BRWD1: variants seen among roughly 807,000 people sequenced by gnomAD.
The protein encoded by BRWD1 is bromodomain and WD repeat-containing protein 1.
Under a neutral mutation model 251.2 loss-of-function variants are expected in BRWD1, and 82 were observed. The observed-to-expected ratio is 0.33, with a 90% confidence interval of 0.27 to 0.39. BRWD1 has a LOEUF of 0.39. Among genes scored for constraint, BRWD1 ranks in the 10% least tolerant of loss-of-function variants. The pLI is 1.00. For synonymous variants in BRWD1, 918 were observed against 902.8 expected (o/e 1.02, Z -0.30); for missense variants, 2,233 against 2,711.6 (o/e 0.82, Z 3.92).
chr21:39,318,451 G>C (rs1370275123), upstream of BRWD1, among the ~76,000 whole-genome samples: 1 of 152,150 alleles, frequency 6.6e-6, no homozygotes, highest in African/African-American at 2.4e-5. Flanking sequence ...TGCTGATGTT[G>C]ATGTACACAC....
chr21:39,208,246 G>A (rs1370705243), intron 36 of BRWD1, among the ~76,000 whole-genome samples: 1 of 152,130 alleles, frequency 6.6e-6, no homozygotes, highest in Non-Finnish European at 1.5e-5. Context: ...GAGGGGCGCA[G>A]GGAAGACTTG....
rs1439491685 is a variant in BRWD1, at chr21:39,191,322, A to C, written c.*4937T>G. On this transcript the variant is annotated 3_prime_UTR_variant, in exon 41 of 41. Coordinates refer to ENST00000342449, the MANE Select transcript of BRWD1 (RefSeq NM_033656.4). The stretch of plus-strand genomic sequence containing the variant: ...TCTGCCTGCATGAAAAGAAATTACC[A>C]GTGGAAAAGAGGTTGGGGAACCACT... 1.0e-6 allele frequency: 1 copy of C among 985,226 alleles called. No individual in the cohort carries two copies. Among genetic ancestry groups the C allele is most frequent in the African/African-American group, 1.7e-5 (1 of 57,216 alleles). The allele number at this position is 985,226 out of a possible 1,614,324, so 61.0% of individuals were successfully genotyped here.
At chr21:39,271,841 C>G (rs527550737) in intron 13 of BRWD1, among the ~76,000 whole-genome samples, 2 of 151,418 alleles carry the variant, frequency 1.3e-5, no homozygotes, top group Admixed American at 1.3e-4. Flanking sequence ...GAGTTCCAGA[C>G]CAACCTGGCC....
chr21:39,256,533 C>T (rs1012227120), intron 18 of BRWD1, among the ~76,000 whole-genome samples: 3 of 152,132 alleles, frequency 2.0e-5, no homozygotes, highest in Non-Finnish European at 4.4e-5. Flanking sequence ...ACAACACTGA[C>T]GCTCTGAGCC....
chr21:39,192,701 T>C lies in BRWD1; in HGVS notation c.*3558A>G, dbSNP rs1601224142. On this transcript the variant is annotated 3_prime_UTR_variant, in exon 41 of 41. Coordinates refer to ENST00000342449, the MANE Select transcript of BRWD1 (RefSeq NM_033656.4). Reference sequence around the variant, plus strand: ...TTAAAAGGGCAAAGCAAAAAGACCATTTTCTAGCCATTTAAAAGTTACTCA... The same window carrying C: ...TTAAAAGGGCAAAGCAAAAAGACCACTTTCTAGCCATTTAAAAGTTACTCA... The C allele has an allele frequency of 6.1e-6, 6 of 985,110 alleles. 1 individual carries two copies. In the Admixed American group the frequency reaches 3.7e-4, roughly 61 times the overall value. 61.0% of individuals were successfully genotyped at this position (985,110 alleles called of 1,614,324 possible).
chr21:39,208,091 T>A (rs11088466), intron 36 of BRWD1, among the ~76,000 whole-genome samples: 71,647 of 152,060 alleles, frequency 0.47, 17,051 homozygotes, highest in Admixed American at 0.54. Context: ...TGAATTGTAC[T>A]CATAAAAATG....
At chr21:39,282,915 C>T (rs2035516503) in intron 8 of BRWD1, among the ~76,000 whole-genome samples, 1 of 146,560 alleles carries the variant, frequency 6.8e-6, no homozygotes, top group Non-Finnish European at 1.5e-5. Context: ...GCTGAGATCG[C>T]ACCACTGTAC....
intron 27 of BRWD1, 41 bp from the exon 28 acceptor site, chr21:39,225,238 ACATT>A (rs2033333048): frequency 1.5e-6 from 2 of 1,338,730 alleles, no homozygotes; most frequent in Admixed American, 1.7e-5. Flanking sequence ...TTCTCTGCTA[ACATT>A]CATTAACATT....
chr21:39,274,469 G>T lies in BRWD1; in HGVS notation c.1149C>A (p.Phe383Leu). 1 of 1,612,616 alleles carries T rather than the reference G, an allele frequency of 6.2e-7. No individual in the cohort carries two copies. The highest frequency in any genetic ancestry group is 8.5e-7 in the Non-Finnish European group (1 of 1,178,956). ...CTGTTCCATCTCTGCTACCACTTAG[G>T]AACCTTAAAACATTCAGAACAGGAT... ...SIQFCNNGDR[F>L]LSGSRDGTAR... Residue 383 changes from phenylalanine to leucine, a missense_variant, in exon 13 of 41, where the codon TTC becomes TTA. Physicochemically the swap from Phe to Leu is conservative, Grantham distance 22 (BLOSUM62 0). Transcript: ENST00000342449.
chr21:39,290,168 T>C lies in BRWD1; in HGVS notation c.831+3643A>G, dbSNP rs1290655187. On this transcript the variant is annotated intron_variant, in intron 8 of 40. Coordinates refer to ENST00000342449, the MANE Select transcript of BRWD1 (RefSeq NM_033656.4). ...CACTTCACTAATTCTCTCTTCAGTTTCATCAGTTGTGTTCAGATGCTGTTA... is the reference window on the plus strand; with the variant it reads ...CACTTCACTAATTCTCTCTTCAGTTCCATCAGTTGTGTTCAGATGCTGTTA... 2.6e-5 allele frequency among the ~76,000 whole-genome samples: 4 copies of C among 152,202 alleles called. No homozygotes were observed. The East Asian group carries it at 5.8e-4, about 22-fold the overall frequency.
chr21:39,207,233 A>C (rs1042535977), intron 36 of BRWD1, among the ~76,000 whole-genome samples: 8 of 152,044 alleles, frequency 5.3e-5, no homozygotes, highest in Non-Finnish European at 7.4e-5. Flanking sequence ...TCAAGGGTTC[A>C]AGACTAGCTT....
intron 4 of BRWD1, among the ~76,000 whole-genome samples, chr21:39,305,183 T>TC (rs2036247847): frequency 6.6e-6 from 1 of 152,104 alleles, no homozygotes; most frequent in Admixed American, 6.6e-5. Flanking sequence ...GGTCTTGAAC[T>TC]CCTGACCTCA....
chr21:39,190,031 A>C lies in BRWD1; in HGVS notation c.*6228T>G. 1.0e-6 allele frequency: 1 copy of C among 985,412 alleles called. No individual in the cohort carries two copies. The highest frequency in any genetic ancestry group is 6.1e-5 in the Admixed American group (1 of 16,284). 61.0% of individuals were successfully genotyped at this position (985,412 alleles called of 1,614,324 possible). On this transcript the variant is annotated 3_prime_UTR_variant, in exon 41 of 41. Coordinates refer to ENST00000342449, the MANE Select transcript of BRWD1 (RefSeq NM_033656.4). ...TACTTGGGTATGGCAAGAACACATC[A>C]GTAGTGTAAAACTGTACATCTGTAG...
intron 29 of BRWD1, among the ~76,000 whole-genome samples, chr21:39,221,102 T>C (rs865922576): frequency 7.2e-6 from 1 of 139,358 alleles, no homozygotes; most frequent in African/African-American, 2.7e-5. Flanking sequence ...TTGCAATGAG[T>C]GGAGATTGCG....
At chr21:39,313,796 A>G (rs1224534823), upstream of BRWD1, 1 of 377,246 alleles carries the variant, frequency 2.7e-6, no homozygotes, top group Non-Finnish European at 4.8e-6. Flanking sequence ...CGATGAGGAG[A>G]AAGTGACGCG....
intron 17 of BRWD1, among the ~76,000 whole-genome samples, chr21:39,261,080 C>A (rs1434320753): frequency 6.6e-6 from 1 of 152,074 alleles, no homozygotes; most frequent in Non-Finnish European, 1.5e-5. Context: ...CAAAAATTAG[C>A]CTGGTGTGGT....
Position 39,270,044 on chromosome 21 carries a change from C to A in BRWD1, c.1396-11G>T. On this transcript the variant is annotated splice_polypyrimidine_tract_variant and intron_variant, in intron 14 of 40. Coordinates refer to ENST00000342449, the MANE Select transcript of BRWD1 (RefSeq NM_033656.4). ...TTCATCAGCATGTCCCTTTATTTAA[C>A]AAAGTCATAACATTAAGGAGGGTTT... 2 of 1,547,732 alleles carry A rather than the reference C, an allele frequency of 1.3e-6. No homozygotes were observed. Among genetic ancestry groups the A allele is most frequent in the Non-Finnish European group, 1.7e-6 (2 of 1,147,404 alleles).
Position 39,191,862 on chromosome 21 carries a change from A to C in BRWD1, c.*4397T>G. ...TTAATAAATGAAAAAACTTACCTTA[A>C]AACTGACATAACTAAAATATGACCA... On this transcript the variant is annotated 3_prime_UTR_variant, in exon 41 of 41. Transcript: ENST00000342449. 1.0e-6 allele frequency: 1 copy of C among 984,760 alleles called. No homozygotes were observed. The highest frequency in any genetic ancestry group is 1.7e-5 in the African/African-American group (1 of 57,336). The allele number at this position is 984,760 out of a possible 1,614,324, so 61.0% of individuals were successfully genotyped here.
chr21:39,217,420 G>T, intron 31 of BRWD1: 2 of 204,390 alleles, frequency 9.8e-6, no homozygotes, highest in South Asian at 1.5e-4. Context: ...ATTTTTAAAT[G>T]ACACAAAGAA....
Sources: allele counts gnomAD v4.1 joint callset (sites outside exome capture counted in the v4.1 genomes callset), GRCh38; gene constraint gnomAD v4.1.1; transcripts MANE v1.5; gene names NCBI Gene and HGNC (gene_info 2026-07-23, HGNC 2026-07-21).